The following VWF variants were observed in gnomAD, a reference collection of about 807,000 sequenced individuals.
VWF encodes von Willebrand factor.
VWF carries 176 observed loss-of-function variants against 308.6 expected under a neutral mutation model. That is an observed-to-expected ratio of 0.57 (90% CI 0.50 to 0.65). VWF has a LOEUF of 0.65. Ranked by LOEUF, VWF falls within the 30% of genes least tolerant of loss-of-function variation. VWF has a pLI of 0.00. For missense variants in VWF, 3,146 were observed against 3,648.2 expected (o/e 0.86, Z 3.55); for synonymous variants, 1,385 against 1,443.4 (o/e 0.96, Z 0.92).
At chr12:6,117,747 G>A (rs1307389635) in intron 3 of VWF, among the ~76,000 whole-genome samples, 1 of 152,108 alleles carries the variant, frequency 6.6e-6, no homozygotes, top group African/African-American at 2.4e-5. Context: ...CCTGGGAGGG[G>A]GAGGTTGCAG....
intron 10 of VWF, among the ~76,000 whole-genome samples, chr12:6,065,622 C>T (rs993910354): frequency 1.3e-5 from 2 of 152,232 alleles, no homozygotes; most frequent in African/African-American, 2.4e-5. Flanking sequence ...CTGCCATGTC[C>T]CACGCTACCT....
chr12:6,034,741 A>T lies in VWF; in HGVS notation c.2632T>A (p.Phe878Ile), dbSNP rs148969007. ...STIGMAHYLT[F>I]DGLKYLFPGE... is the part of the protein sequence containing the mutation. Reference sequence around the variant, plus strand: ...GGGAACAGGTATTTGAGCCCGTCGAAGGTGAGGTAGTGGGCCATGCCGATC... The same window carrying T: ...GGGAACAGGTATTTGAGCCCGTCGATGGTGAGGTAGTGGGCCATGCCGATC... The change falls in exon 20 of 52, where the codon TTC (phenylalanine) becomes ATC (isoleucine). Residue 878 changes from phenylalanine (F) to isoleucine (I), a missense_variant. Phe to Ile is a conservative substitution (Grantham distance 21). Around this residue, in one of 3 missense-constraint regions of VWF, gnomAD observed 1,304 missense variants for 1,353.0 expected, o/e 0.96. Coordinates refer to ENST00000261405, the MANE Select transcript of VWF (RefSeq NM_000552.5). The T allele has an allele frequency of 1.2e-6, 2 of 1,614,050 alleles. No homozygotes were observed. Among genetic ancestry groups the T allele is most frequent in the African/African-American group, 2.7e-5 (2 of 74,916 alleles).
chr12:6,057,854 C>T lies in VWF; in HGVS notation c.1724G>A (p.Arg575His). The T allele has an allele frequency of 1.2e-6, 2 of 1,606,934 alleles. No individual in the cohort carries two copies. The highest frequency in any genetic ancestry group is 1.7e-6 in the Non-Finnish European group (2 of 1,176,542). The change falls in exon 14 of 52, where the codon CGC (arginine) becomes CAC (histidine). Residue 575 changes from arginine to histidine, a missense_variant. Physicochemically the swap from Arg to His is conservative, Grantham distance 29. This residue lies in a region of VWF where 1,304 missense variants were observed against 1,353.0 expected (regional missense o/e 0.96). Coordinates refer to ENST00000261405, the MANE Select transcript of VWF (RefSeq NM_000552.5). ...QHSDPCALNP[R>H]MTRFSEEACA... Reference sequence around the variant, plus strand: ...TTGCCCCCGGGTTCACATACTCATGCGCGGGTTGAGGGCGCAGGGATCGCT... The same window carrying T: ...TTGCCCCCGGGTTCACATACTCATGTGCGGGTTGAGGGCGCAGGGATCGCT...
chr12:6,097,708 C>A (rs1945119715), intron 5 of VWF, among the ~76,000 whole-genome samples: 1 of 152,152 alleles, frequency 6.6e-6, no homozygotes, highest in Admixed American at 6.5e-5. Flanking sequence ...TTGTTTCAAG[C>A]CACCGAGTTT....
rs1943662773 is a variant in VWF, at chr12:5,985,099, C to G, written c.6922G>C (p.Glu2308Gln). The part of the protein sequence containing the change: ...TAKAPTCGLC[E>Q]VARLRQNADQ... ...GCATTCTGGCGGAGGCGGGCTACTT[C>G]ACACAGGCCACACGTGGGAGCTAGA... Residue 2308 changes from glutamate to glutamine, a missense_variant, in exon 40 of 52, where the codon GAA becomes CAA. Physicochemically the swap from Glu to Gln is conservative, Grantham distance 29. Around this residue, in one of 3 missense-constraint regions of VWF, gnomAD observed 989 missense variants for 1,117.4 expected, o/e 0.89. Coordinates refer to ENST00000261405, the MANE Select transcript of VWF (RefSeq NM_000552.5). 2 of 1,614,214 alleles carry G rather than the reference C, an allele frequency of 1.2e-6. No homozygotes were observed. The highest frequency in any genetic ancestry group is 2.7e-5 in the African/African-American group (2 of 75,044).
intron 3 of VWF, 57 bp from the exon 4 acceptor site, chr12:6,111,025 A>G (rs1242862094): frequency 6.9e-7 from 1 of 1,451,862 alleles, no homozygotes; most frequent in African/African-American, 1.4e-5. Flanking sequence ...AAATGAATAC[A>G]TTGATTAAGA....
At position 6,075,224 on chromosome 12, in the gene VWF, G is replaced by C; in HGVS notation, c.874+111C>G. On this transcript the variant is annotated intron_variant, in intron 7 of 51. Transcript: ENST00000261405. The surrounding 1 kb of genome is among the most constrained non-coding windows in gnomAD (Gnocchi z 4.7). Reference sequence around the variant, plus strand: ...GGCTTTGTAGTCACTGGCTGGCTGGGTGTGGTAAAGCCGCACATACGTGAC... The same window carrying C: ...GGCTTTGTAGTCACTGGCTGGCTGGCTGTGGTAAAGCCGCACATACGTGAC... 8 of 1,366,574 alleles carry C rather than the reference G, an allele frequency of 5.9e-6. No homozygotes were observed. The highest frequency in any genetic ancestry group is 7.2e-6 in the Non-Finnish European group (7 of 976,448). 84.7% of individuals were successfully genotyped at this position (1,366,574 alleles called of 1,614,324 possible).
rs1182851994 is a variant in VWF, at chr12:6,062,984, G to A, written c.1503C>T (p.Asp501=). 1 of 1,613,350 alleles carries A rather than the reference G, an allele frequency of 6.2e-7. No individual in the cohort carries two copies. Among genetic ancestry groups the A allele is most frequent in the Non-Finnish European group, 8.5e-7 (1 of 1,180,032 alleles). Reference sequence around the variant, plus strand: ...CCAGCAGCCTCCCGCGGCCATCCCAGTCCATCTGCAGGTCCTCCCCGTAGC... The same window carrying A: ...CCAGCAGCCTCCCGCGGCCATCCCAATCCATCTGCAGGTCCTCCCCGTAGC... ...RLSYGEDLQM[D]WDGRGRLLVK... Residue 501 remains aspartate (D), a synonymous_variant, in exon 13 of 52, where the codon GAC becomes GAT. Coordinates refer to ENST00000261405, the MANE Select transcript of VWF (RefSeq NM_000552.5).
chr12:6,111,584 AG>A (rs1203267494), intron 3 of VWF, among the ~76,000 whole-genome samples: 1 of 152,000 alleles, frequency 6.6e-6, no homozygotes, highest in Non-Finnish European at 1.5e-5. Context: ...CGTGTCGCCC[AG>A]GCTGGTCTTG....
intron 3 of VWF, among the ~76,000 whole-genome samples, chr12:6,112,622 G>A (rs1945319966): frequency 6.6e-6 from 1 of 152,150 alleles, no homozygotes; most frequent in Admixed American, 6.5e-5. Flanking sequence ...GGGAGTGTGG[G>A]CTTCTTCTTG....
Position 6,024,894 on chromosome 12 carries a change from G to C in VWF, c.3222+686C>G, listed in dbSNP as rs1223084403. On this transcript the variant is annotated intron_variant, in intron 24 of 51. Coordinates refer to ENST00000261405, the MANE Select transcript of VWF (RefSeq NM_000552.5). This position sits in a 1 kb window ranked among gnomAD's most constrained non-coding sequence, Gnocchi z 4.0. ...AAAAATTAGCTGGGCGTGGTGGCAG[G>C]TGCCTGTAATCCCAGGTACTCGGGA... Among the ~76,000 whole-genome samples the C allele has an allele frequency of 6.6e-6, 1 of 152,020 alleles. No individual in the cohort carries two copies. The highest frequency in any genetic ancestry group is 2.4e-5 in the African/African-American group (1 of 41,396).
At chr12:6,047,434 G>A (rs915674890) in intron 16 of VWF, among the ~76,000 whole-genome samples, 7 of 152,182 alleles carry the variant, frequency 4.6e-5, no homozygotes, top group African/African-American at 1.7e-4. Flanking sequence ...ACTGAATGGT[G>A]ACGCCATCCA....
At chr12:6,054,394 A>G (rs1395144629) in intron 15 of VWF, among the ~76,000 whole-genome samples, 1 of 152,208 alleles carries the variant, frequency 6.6e-6, no homozygotes, top group African/African-American at 2.4e-5. Context: ...CAACCACCTG[A>G]GCCTACAATG....
At chr12:5,981,224 T>C (rs998737609) in intron 42 of VWF, among the ~76,000 whole-genome samples, 6 of 151,852 alleles carry the variant, frequency 4.0e-5, no homozygotes, top group Admixed American at 2.6e-4. Flanking sequence ...AATAAATAAA[T>C]GAGTAAACTA....
chr12:6,060,662 A>G lies in VWF; in HGVS notation c.1533+2292T>C, dbSNP rs1001141025. Among the ~76,000 whole-genome samples, 4 of 152,178 alleles carry G rather than the reference A, an allele frequency of 2.6e-5. No homozygotes were observed. Among genetic ancestry groups the G allele is most frequent in the Non-Finnish European group, 5.9e-5 (4 of 68,022 alleles). On this transcript the variant is annotated intron_variant, in intron 13 of 51. Transcript: ENST00000261405. This position sits in a 1 kb window ranked among gnomAD's most constrained non-coding sequence, Gnocchi z 5.1. ...ATGGGGTCATCTGACCCTGTCCTGAACCTTGGCCAAGGAAACGTCTTCTTG... is the reference window on the plus strand; with the variant it reads ...ATGGGGTCATCTGACCCTGTCCTGAGCCTTGGCCAAGGAAACGTCTTCTTG...
At chr12:6,062,091 TTTAA>T (rs1207115021) in intron 13 of VWF, among the ~76,000 whole-genome samples, 3 of 152,214 alleles carry the variant, frequency 2.0e-5, no homozygotes, top group Non-Finnish European at 4.4e-5. Context: ...ATGTCTCTAA[TTTAA>T]TTTTCAATCT....
At chr12:6,103,545 T>TAC (rs139889348) in intron 5 of VWF, among the ~76,000 whole-genome samples, 2,386 of 124,168 alleles carry the variant, frequency 0.019, 63 homozygotes, top group Admixed American at 0.027. Flanking sequence ...CATATATGTA[T>TAC]ACACACACAC....
At chr12:6,010,165 G>T (rs1791843475) in intron 34 of VWF, among the ~76,000 whole-genome samples, 1 of 152,090 alleles carries the variant, frequency 6.6e-6, no homozygotes, top group African/African-American at 2.4e-5. Flanking sequence ...ATGGGGAAAG[G>T]CATGAGCAGA....
Position 6,057,831 on chromosome 12 carries a change from GC to G in VWF, c.1729+17del, listed in dbSNP as rs778525689. The stretch of plus-strand genomic sequence containing the variant: ...CGAGATTCTGCGAGGTCCCTGCCTT[GC>G]CCCCGGGTTCACATACTCATGCGCG... On this transcript the variant is annotated intron_variant, in intron 14 of 51. Coordinates refer to ENST00000261405, the MANE Select transcript of VWF (RefSeq NM_000552.5). 6.9e-6 allele frequency: 11 copies of G among 1,594,340 alleles called. No homozygotes were observed. The Admixed American group carries it at 1.4e-4, about 20-fold the overall frequency.
Sources: gnomAD v4.1 joint callset for allele counts (sites outside exome capture counted in the v4.1 genomes callset) on GRCh38, gnomAD v4.1.1 for gene constraint, gnomAD v4.1.1 regional missense constraint, Gnocchi (gnomAD v3.1) non-coding constraint, MANE v1.5 for transcripts, NCBI Gene and HGNC (gene_info 2026-07-23, HGNC 2026-07-21) for gene names.